SLC9A9: variants seen among roughly 807,000 people sequenced by gnomAD.
SLC9A9 encodes the protein sodium/hydrogen exchanger 9.
SLC9A9 carries 62 observed loss-of-function variants against 77.8 expected under a neutral mutation model. The observed-to-expected ratio is 0.80, with a 90% CI of 0.65 to 0.98. The LOEUF is 0.98. SLC9A9 is among the 50% of genes least tolerant of loss of function. The probability of loss-of-function intolerance (pLI) is 0.00; values close to 1 mark genes in which losing one functional copy is unlikely to be tolerated. For synonymous variants in SLC9A9, 320 were observed against 283.5 expected (o/e 1.13, Z -1.29); for missense variants, 775 against 774.9 (o/e 1.00, Z 0.00).
intron 5 of SLC9A9, chr3:143,655,724 A>G: frequency 1.2e-6 from 1 of 813,954 alleles, no homozygotes; most frequent in Non-Finnish European, 1.5e-6. Context: ...ACACACCCCT[A>G]CCTCTAGGTA....
At chr3:143,779,365 T>C (rs536790163) in intron 4 of SLC9A9, among the ~76,000 whole-genome samples, 1 of 152,244 alleles carries the variant, frequency 6.6e-6, no homozygotes, top group African/African-American at 2.4e-5. Flanking sequence ...CTCAGTTTTT[T>C]GGGTTTTTTG....
chr3:143,612,429 G>C (rs555779823), intron 6 of SLC9A9, among the ~76,000 whole-genome samples: 1 of 152,278 alleles, frequency 6.6e-6, no homozygotes, highest in Non-Finnish European at 1.5e-5. Flanking sequence ...GTGAATAAGA[G>C]CTGGTGTGAC....
intron 12 of SLC9A9, among the ~76,000 whole-genome samples, chr3:143,463,385 C>A (rs941048430): frequency 2.6e-5 from 4 of 152,204 alleles, no homozygotes; most frequent in Admixed American, 6.5e-5. Flanking sequence ...AGCTTATTAT[C>A]TGGTGCCACT....
At chr3:143,467,386 G>A (rs2035301306) in intron 11 of SLC9A9, among the ~76,000 whole-genome samples, 196 bp from the exon 12 acceptor site, 1 of 152,148 alleles carries the variant, frequency 6.6e-6, no homozygotes, top group Admixed American at 6.5e-5. Context: ...TCCCCTCAAT[G>A]ATATCATGCA....
At chr3:143,604,895 C>T (rs2037897272) in intron 6 of SLC9A9, among the ~76,000 whole-genome samples, 1 of 152,102 alleles carries the variant, frequency 6.6e-6, no homozygotes, top group African/African-American at 2.4e-5. Context: ...ATTCATTGCC[C>T]ACAGATTCTG....
chr3:143,686,525 G>T (rs539787386), intron 5 of SLC9A9, among the ~76,000 whole-genome samples: 1 of 152,156 alleles, frequency 6.6e-6, no homozygotes, highest in South Asian at 2.1e-4. Context: ...ACCTGAAGAA[G>T]GTGGGGAGGG....
chr3:143,524,180 GAAA>G (rs5853110), intron 9 of SLC9A9, among the ~76,000 whole-genome samples: 1 of 145,894 alleles, frequency 6.9e-6, no homozygotes, highest in East Asian at 2.0e-4. Flanking sequence ...ACTGAAGATA[GAAA>G]AAAAAAAAAC....
intron 14 of SLC9A9, among the ~76,000 whole-genome samples, chr3:143,317,340 A>C (rs1222887164): frequency 6.6e-6 from 1 of 152,066 alleles, no homozygotes. Context: ...CTGCTCCTGC[A>C]CAACAGGGCA....
intron 6 of SLC9A9, 95 bp downstream of exon 6, chr3:143,652,160 G>C: frequency 9.9e-7 from 1 of 1,010,690 alleles, no homozygotes; most frequent in East Asian, 2.6e-5. Flanking sequence ...AAAAAAGCTA[G>C]AGACTGCCCG....
intron 12 of SLC9A9, among the ~76,000 whole-genome samples, chr3:143,429,140 C>G (rs2034461512): frequency 6.6e-6 from 1 of 152,180 alleles, no homozygotes; most frequent in African/African-American, 2.4e-5. Flanking sequence ...ATTGAAATAT[C>G]ACATTGTGCC....
At chr3:143,518,456 T>C (rs2036241141) in intron 9 of SLC9A9, among the ~76,000 whole-genome samples, 1 of 152,240 alleles carries the variant, frequency 6.6e-6, no homozygotes, top group Non-Finnish European at 1.5e-5. Context: ...AGAAATAACA[T>C]GACCTTTATA....
chr3:143,491,049 T>C (rs1282796655), intron 11 of SLC9A9, among the ~76,000 whole-genome samples: 1 of 152,200 alleles, frequency 6.6e-6, no homozygotes, highest in African/African-American at 2.4e-5. Context: ...ATAAAATAAG[T>C]GCACCTCGGC....
At chr3:143,386,192 A>G (rs1050674490) in intron 12 of SLC9A9, among the ~76,000 whole-genome samples, 6 of 152,114 alleles carry the variant, frequency 3.9e-5, no homozygotes, top group African/African-American at 9.7e-5. Flanking sequence ...TCTGCTCCCA[A>G]ATAGAATCCC....
intron 9 of SLC9A9, among the ~76,000 whole-genome samples, chr3:143,508,288 A>G (rs2036060885): frequency 3.3e-5 from 5 of 152,204 alleles, no homozygotes; most frequent in Admixed American, 3.3e-4. Flanking sequence ...TGATCTCTTC[A>G]TGCCAACCCA....
intron 6 of SLC9A9, 138 bp downstream of exon 6, chr3:143,652,117 A>G (rs2038806376): frequency 9.8e-6 from 7 of 710,870 alleles, no homozygotes; most frequent in African/African-American, 8.8e-5. Context: ...AATTGTGCCC[A>G]TTATGGAAAT....
At chr3:143,319,647 T>C (rs755801078) in intron 14 of SLC9A9, among the ~76,000 whole-genome samples, 3 of 152,214 alleles carry the variant, frequency 2.0e-5, no homozygotes, top group Non-Finnish European at 2.9e-5. Flanking sequence ...ACTCCCAGTG[T>C]ATTATTATCA....
chr3:143,677,654 C>T (rs1379981100), intron 5 of SLC9A9, among the ~76,000 whole-genome samples: 3 of 152,116 alleles, frequency 2.0e-5, no homozygotes, highest in African/African-American at 7.2e-5. Flanking sequence ...TCCTGCAACC[C>T]TGCCAGCAAT....
intron 14 of SLC9A9, among the ~76,000 whole-genome samples, chr3:143,275,827 T>A (rs1188402598): frequency 1.3e-5 from 2 of 152,198 alleles, no homozygotes; most frequent in Admixed American, 1.3e-4. Flanking sequence ...ATTTTTCTTA[T>A]AATAGCTCTG....
Position 143,748,061 on chromosome 3 carries a change from C to G in SLC9A9, c.533+46940G>C, listed in dbSNP as rs1168844175. On this transcript the variant is annotated intron_variant, in intron 4 of 15. Coordinates refer to ENST00000316549, the MANE Select transcript of SLC9A9 (RefSeq NM_173653.4). ...TTAGCAGCTAGAGATCAGGGCATCT[C>G]AATCCCACTGCCTCTAAGTTAGTTG... Among the ~76,000 whole-genome samples the G allele has an allele frequency of 2.6e-5, 4 of 152,352 alleles. No homozygotes were observed. In the East Asian group the frequency reaches 5.8e-4, roughly 22 times the overall value.
Sources: gnomAD v4.1 joint callset for allele counts (sites outside exome capture counted in the v4.1 genomes callset) on GRCh38, gnomAD v4.1.1 for gene constraint, MANE v1.5 for transcripts, NCBI Gene and HGNC (gene_info 2026-07-23, HGNC 2026-07-21) for gene names.